Variants in GTF2A1L observed in about 807,000 individuals in gnomAD.
GTF2A1L encodes the protein TFIIA-alpha and beta-like factor.
In GTF2A1L, 48 loss-of-function variants were observed where a neutral mutation model predicts 49.7. That is an observed-to-expected ratio of 0.97 (90% CI 0.77 to 1.23). The LOEUF (loss-of-function observed/expected upper bound fraction) is 1.23. Among genes scored for constraint, GTF2A1L ranks in the 50% most tolerant of loss-of-function variants. GTF2A1L has a pLI of 0.00. For synonymous variants in GTF2A1L, 246 were observed against 193.5 expected (o/e 1.27, Z -2.25); for missense variants, 736 against 564.8 (o/e 1.30, Z -3.07).
At chr2:48,660,892 C>T (rs1251450041) in intron 6 of GTF2A1L, among the ~76,000 whole-genome samples, 2 of 152,106 alleles carry the variant, frequency 1.3e-5, no homozygotes, top group Non-Finnish European at 2.9e-5. Context: ...CCACCTGCCT[C>T]GGCCTCTCAG....
At position 48,642,549 on chromosome 2, in the gene GTF2A1L, C is replaced by G. The variant is rs372251443; in HGVS notation, c.303+92C>G. On this transcript the variant is annotated intron_variant, in intron 4 of 8. Transcript: ENST00000403751. ...CTGAACATAGATGTAATTTCTTACC[C>G]TCCAGTTGAAAGTGAAAAGATGTGG... 1.8e-4 allele frequency: 228 copies of G among 1,247,812 alleles called. 1 individual carries two copies. The East Asian group carries it at 5.5e-3, about 30-fold the overall frequency. 77.3% of individuals were successfully genotyped at this position (1,247,812 alleles called of 1,614,324 possible).
intron 6 of GTF2A1L, among the ~76,000 whole-genome samples, chr2:48,663,192 G>C (rs1678620154): frequency 6.6e-6 from 1 of 152,162 alleles, no homozygotes; most frequent in African/African-American, 2.4e-5. Flanking sequence ...CCAGTACTTT[G>C]GGAGGCTGAG....
At position 48,661,247 on chromosome 2, in the gene GTF2A1L, C is replaced by CTTTTTT. The variant is rs70946820; in HGVS notation, c.979-8452_979-8447dup. On this transcript the variant is annotated intron_variant, in intron 6 of 8. Transcript: ENST00000403751. ...CCATTGTTTTCACTGCATCCCCAAACTTTTTTTTTTTTTTTTTTTTTTTTT... is the reference window on the plus strand; with the variant it reads ...CCATTGTTTTCACTGCATCCCCAAACTTTTTTTTTTTTTTTTTTTTTTTTTTTTTTT... 1.6e-3 allele frequency among the ~76,000 whole-genome samples: 99 copies of CTTTTTT among 62,746 alleles called. 21 individuals carry two copies. The highest frequency in any genetic ancestry group is 6.7e-3 in the African/African-American group (86 of 12,904). The allele number at this position is 62,746 out of a possible 152,430, so 41.2% of individuals were successfully genotyped here.
rs371893561 is a variant in GTF2A1L at position 48,646,648 on chromosome 2, A to G, written c.584A>G (p.Gln195Arg). 2.8e-5 allele frequency: 45 copies of G among 1,614,052 alleles called. No individual in the cohort carries two copies. Among genetic ancestry groups the G allele is most frequent in the Non-Finnish European group, 3.6e-5 (42 of 1,180,034 alleles). The change falls in exon 6 of 9, where the codon CAG (glutamine) becomes CGG (arginine). Residue 195 changes from glutamine (Q) to arginine (R), a missense_variant. By Grantham distance (43) the Gln-to-Arg change is conservative. Transcript: ENST00000403751. ...EKSQRIETVL[Q>R]QPAILPSGPV... is the part of the protein sequence containing the mutation. ...TCACAGAGAATTGAAACCGTGCTAC[A>G]GCAACCCGCAATTCTACCTTCTGGG...
rs1676244778 is a variant in GTF2A1L, at chr2:48,625,498, C to A, written c.247+4208C>A. ...GATATATGGTTTGCAAATATTTTCT[C>A]CGTATCTGTTGGCTGCTGTTTTATT... On this transcript the variant is annotated intron_variant, in intron 3 of 8. Transcript: ENST00000403751. 1.4e-5 allele frequency among the ~76,000 whole-genome samples: 2 copies of A among 144,060 alleles called. 1 individual carries two copies. The highest frequency in any genetic ancestry group is 1.4e-4 in the Admixed American group (2 of 14,184). 94.5% of individuals were successfully genotyped at this position (144,060 alleles called of 152,430 possible).
intron 6 of GTF2A1L, among the ~76,000 whole-genome samples, chr2:48,655,696 A>T (rs569697533): frequency 6.6e-6 from 1 of 152,216 alleles, no homozygotes; most frequent in South Asian, 2.1e-4. Context: ...AAAATTAACT[A>T]TTTATTTTAT....
chr2:48,672,565 C>G (rs987307655), intron 8 of GTF2A1L, among the ~76,000 whole-genome samples: 1 of 152,120 alleles, frequency 6.6e-6, no homozygotes, highest in Non-Finnish European at 1.5e-5. Context: ...ATGGAGAAGT[C>G]AGAGGTTATG....
chr2:48,659,965 T>G (rs2104265855), intron 6 of GTF2A1L, among the ~76,000 whole-genome samples: 1 of 152,300 alleles, frequency 6.6e-6, no homozygotes, highest in East Asian at 1.9e-4. Flanking sequence ...TTGATGTCTT[T>G]TATTTCTTTT....
At chr2:48,676,398 G>T (rs190225634) in intron 8 of GTF2A1L, among the ~76,000 whole-genome samples, 38 of 151,880 alleles carry the variant, frequency 2.5e-4, no homozygotes, top group African/African-American at 9.2e-4. Context: ...AATGTACGTG[G>T]TTAGGTATTC....
intron 8 of GTF2A1L, among the ~76,000 whole-genome samples, chr2:48,673,359 C>CTTTTTTT (rs34493140): frequency 8.2e-5 from 9 of 109,674 alleles, no homozygotes; most frequent in Admixed American, 1.1e-4. Flanking sequence ...ACACAGGAAA[C>CTTTTTTT]TTTTTTTTTT....
intron 3 of GTF2A1L, among the ~76,000 whole-genome samples, chr2:48,641,401 T>G (rs1030329883): frequency 2.6e-5 from 4 of 152,200 alleles, no homozygotes; most frequent in African/African-American, 9.6e-5. Flanking sequence ...ATGTTTGCTT[T>G]TATGAGTTGT....
chr2:48,655,927 A>G (rs770388037), intron 6 of GTF2A1L, among the ~76,000 whole-genome samples: 2 of 152,184 alleles, frequency 1.3e-5, no homozygotes, highest in Non-Finnish European at 2.9e-5. Flanking sequence ...GTTACCTCAT[A>G]TAAGTGGAAT....
intron 6 of GTF2A1L, among the ~76,000 whole-genome samples, chr2:48,658,275 T>A (rs1335954844): frequency 6.6e-6 from 1 of 152,212 alleles, no homozygotes; most frequent in Non-Finnish European, 1.5e-5. Flanking sequence ...AGTTAAGTTT[T>A]GTATATGGTG....
Position 48,646,820 on chromosome 2 carries a change from G to A in GTF2A1L, c.756G>A (p.Gln252=). ...TTCCAGGTGTTGTATTTTCTCCACA[G>A]GTCTCTCAAACAAATTCTAATGTGG... ...ISLPGVVFSP[Q]VSQTNSNVES... is the part of the protein sequence containing the mutation. Residue 252 remains glutamine (Q), a synonymous_variant, in exon 6 of 9, where the codon CAG becomes CAA. Coordinates refer to ENST00000403751, the MANE Select transcript of GTF2A1L (RefSeq NM_006872.5). The A allele has an allele frequency of 6.2e-7, 1 of 1,614,146 alleles. No homozygotes were observed. The highest frequency in any genetic ancestry group is 2.2e-5 in the East Asian group (1 of 44,880).
intron 3 of GTF2A1L, among the ~76,000 whole-genome samples, chr2:48,629,761 A>C (rs1234303865): frequency 6.9e-6 from 1 of 144,324 alleles, no homozygotes; most frequent in East Asian, 1.9e-4. Context: ...TTTTGAATTT[A>C]AGCTGCCCAG....
At chr2:48,677,796 A>G (rs539928547) in intron 8 of GTF2A1L, among the ~76,000 whole-genome samples, 1 of 152,016 alleles carries the variant, frequency 6.6e-6, no homozygotes. Flanking sequence ...TATGTTTTGT[A>G]GGTAGAACTA....
Position 48,647,563 on chromosome 2 carries a change from T to C in GTF2A1L, c.978+521T>C, listed in dbSNP as rs144355288. On this transcript the variant is annotated intron_variant, in intron 6 of 8. Transcript: ENST00000403751. ...TGAGATAATTAATTATCAAATGTAA[T>C]ATACAAAAGAAGCCCACAAAGTTTT... is the stretch of plus-strand genomic sequence containing the variant. Among the ~76,000 whole-genome samples the C allele has an allele frequency of 2.8e-3, 420 of 152,192 alleles. 6 individuals carry two copies. The highest frequency in any genetic ancestry group is 9.8e-3 in the African/African-American group (409 of 41,576).
chr2:48,670,542 G>C (rs755349397), intron 7 of GTF2A1L, among the ~76,000 whole-genome samples: 14 of 152,110 alleles, frequency 9.2e-5, no homozygotes, highest in Admixed American at 2.6e-4. Flanking sequence ...AGGCAGCCTA[G>C]GTAGAAACAT....
At chr2:48,629,023 C>G (rs1676437682) in intron 3 of GTF2A1L, among the ~76,000 whole-genome samples, 1 of 143,094 alleles carries the variant, frequency 7.0e-6, no homozygotes, top group Non-Finnish European at 1.6e-5. Context: ...GTGGGCGGAT[C>G]ATGAGGACAG....
Sources: allele counts gnomAD v4.1 joint callset (sites outside exome capture counted in the v4.1 genomes callset), GRCh38; gene constraint gnomAD v4.1.1; transcripts MANE v1.5; gene names NCBI Gene and HGNC (gene_info 2026-07-23, HGNC 2026-07-21).